The following PDE4C variants were observed in gnomAD, a reference collection of about 807,000 sequenced individuals.
PDE4C encodes the protein phosphodiesterase 4C.
In PDE4C, 50 loss-of-function variants were observed where a neutral mutation model predicts 63.9. That is an observed-to-expected ratio of 0.78 (90% CI 0.62 to 0.99). The LOEUF is 0.99. Among genes scored for constraint, PDE4C ranks in the 50% least tolerant of loss-of-function variants. The probability of loss-of-function intolerance (pLI) is 0.00; values close to 1 mark genes in which losing one functional copy is unlikely to be tolerated. For missense variants in PDE4C, 777 were observed against 899.1 expected, an observed-to-expected ratio of 0.86 and a Z score of 1.74; for synonymous variants, 377 against 385.1, an observed-to-expected ratio of 0.98 and a Z score of 0.25.
At chr19:18,214,948 CAAAAAAAA>C (rs34534126) in intron 12 of PDE4C, among the ~76,000 whole-genome samples, 6 of 102,350 alleles carry the variant, frequency 5.9e-5, no homozygotes, top group Non-Finnish European at 9.6e-5. Flanking sequence ...GACTCCATTT[CAAAAAAAA>C]AAAAAAAAAA....
chr19:18,210,713 A>C (rs1967883247), exon 15 of PDE4C: 2 of 625,410 alleles, frequency 3.2e-6, no homozygotes, highest in African/African-American at 1.8e-5. Context: ...TGCCCCTTAG[A>C]GAGCTCTTTT....
At chr19:18,225,051 A>C (rs1201834299) in intron 1 of PDE4C, among the ~76,000 whole-genome samples, 1 of 152,196 alleles carries the variant, frequency 6.6e-6, no homozygotes, top group Non-Finnish European at 1.5e-5. Flanking sequence ...CGGAGGGTTA[A>C]GGACTGGGCC....
rs1418367858 is a variant in PDE4C at position 18,220,874 on chromosome 19, CT to C, written c.498del (p.Glu167ArgfsTer12). 1 of 1,608,312 alleles carries C rather than the reference CT, an allele frequency of 6.2e-7. No individual in the cohort carries two copies. Among genetic ancestry groups the C allele is most frequent in the African/African-American group, 1.3e-5 (1 of 75,038 alleles). On this transcript the variant is annotated frameshift_variant and splice_region_variant, in exon 5 of 15. Coordinates refer to ENST00000262805, the Ensembl canonical transcript of PDE4C. LOFTEE classifies it high-confidence loss of function. The surrounding 1 kb of genome is among the most constrained non-coding windows in gnomAD (Gnocchi z 5.1). The stretch of plus-strand genomic sequence containing the variant: ...GGGAGGGAAGGAACAGGTACTTTAC[CT>C]GCAGGAGGGAGCTGATTGCTGGATG...
At chr19:18,232,912 C>A in intron 1 of PDE4C, 2 of 1,423,746 alleles carry the variant, frequency 1.4e-6, no homozygotes, top group East Asian at 2.7e-5. Context: ...GCGCGCCCCT[C>A]CCCCGCGCTG....
chr19:18,233,263 G>C, exon 1 of PDE4C: 1 of 1,536,956 alleles, frequency 6.5e-7, no homozygotes, highest in East Asian at 2.4e-5. Context: ...AGGAGCGTCT[G>C]CTCCCGGGTC....
At chr19:18,232,880 T>TC (rs1968878378) in intron 1 of PDE4C, 1 of 1,232,860 alleles carries the variant, frequency 8.1e-7, no homozygotes, top group African/African-American at 1.7e-5. Flanking sequence ...GCAAGGACCC[T>TC]CCCCCACTCC....
intron 1 of PDE4C, chr19:18,224,286 C>G: frequency 1.0e-6 from 1 of 985,520 alleles, no homozygotes; most frequent in Non-Finnish European, 1.2e-6. Flanking sequence ...GACAGGAAGA[C>G]AACCGGGACC....
chr19:18,250,258 C>T (rs2287656), upstream of PDE4C: 94,584 of 398,876 alleles, frequency 0.24, 12,224 homozygotes, highest in East Asian at 0.29. Flanking sequence ...GATAGCAGCT[C>T]CCCCAACCAT....
At chr19:18,218,969 G>A (rs1250775964) in exon 9 of PDE4C, 3 of 1,613,572 alleles carry the variant, frequency 1.9e-6, no homozygotes, top group Non-Finnish European at 2.5e-6. Flanking sequence ...ATAGCTGTGA[G>A]GGGCCGGTTC....
At chr19:18,218,039 G>A in intron 11 of PDE4C, 110 bp downstream of exon 11, 1 of 803,278 alleles carries the variant, frequency 1.2e-6, no homozygotes, top group Non-Finnish European at 2.1e-6. Context: ...TCATTTCATA[G>A]ACAGGGAGAC....
the PDE4C span, among the ~76,000 whole-genome samples, chr19:18,253,545 C>T: frequency 6.0e-4 from 34 of 56,770 alleles, no homozygotes; most frequent in Middle Eastern, 6.8e-3. Flanking sequence ...AGTGAGACTC[C>T]GTCTCAAAAA....
At chr19:18,234,717 T>G (rs1056460356), upstream of PDE4C, among the ~76,000 whole-genome samples, 1 of 152,108 alleles carries the variant, frequency 6.6e-6, no homozygotes, top group African/African-American at 2.4e-5. Flanking sequence ...AACAAGGTCT[T>G]TCCCATGGAG....
rs756197005 is a variant in PDE4C, at chr19:18,215,831, C to CTT, written c.1389+908_1389+909dup. Among the ~76,000 whole-genome samples, 74 of 127,796 alleles carry CTT rather than the reference C, an allele frequency of 5.8e-4. 1 individual carries two copies. Among genetic ancestry groups the CTT allele is most frequent in the Admixed American group, 7.4e-4 (9 of 12,102 alleles). 83.8% of individuals were successfully genotyped at this position (127,796 alleles called of 152,430 possible). A position where few individuals can be genotyped will look rare whatever the true frequency, so the allele number is the denominator to read the frequency against. On this transcript the variant is annotated intron_variant, in intron 12 of 14. Coordinates refer to ENST00000262805, the Ensembl canonical transcript of PDE4C. ...CCTGGCTGCTTAATTTTTTTCTTTT[C>CTT]TTTTTTTTTTTTTTTTGAGACAGAG...
chr19:18,207,973 C>G (rs532586708), downstream of PDE4C: 5 of 152,276 alleles, frequency 3.3e-5, no homozygotes, highest in South Asian at 2.1e-4. Context: ...GGTGGAGATA[C>G]AGCAGAATTT....
intron 1 of PDE4C, among the ~76,000 whole-genome samples, chr19:18,239,127 G>A (rs1348552088): frequency 6.6e-6 from 1 of 152,152 alleles, no homozygotes; most frequent in Admixed American, 6.6e-5. Flanking sequence ...ATGGGCTCAT[G>A]AAGGTATAAT....
chr19:18,237,706 A>G (rs575856258), upstream of PDE4C, among the ~76,000 whole-genome samples: 1 of 151,800 alleles, frequency 6.6e-6, no homozygotes, highest in Admixed American at 6.6e-5. Context: ...CCCTGTCTCG[A>G]CTAAAAATAC....
At chr19:18,234,162 C>T (rs1195937854), upstream of PDE4C, 3 of 152,414 alleles carry the variant, frequency 2.0e-5, no homozygotes, top group Non-Finnish European at 4.4e-5. Context: ...CTAAGACCCT[C>T]CCCACCCCAA....
downstream of PDE4C, chr19:18,208,749 C>T (rs1967800895): frequency 6.6e-6 from 1 of 152,176 alleles, no homozygotes; most frequent in Non-Finnish European, 1.5e-5. Flanking sequence ...CCCCCCACAC[C>T]TCGTCGGAGT....
chr19:18,244,223 AG>A (rs1969090963), intron 1 of PDE4C, among the ~76,000 whole-genome samples: 1 of 151,570 alleles, frequency 6.6e-6, no homozygotes, highest in Non-Finnish European at 1.5e-5. Context: ...ATGGGGATGG[AG>A]GGCCTGATGG....
Sources: allele counts gnomAD v4.1 joint callset (sites outside exome capture counted in the v4.1 genomes callset), GRCh38; gene constraint gnomAD v4.1.1; non-coding constraint Gnocchi (gnomAD v3.1); transcripts MANE v1.5; gene names NCBI Gene and HGNC (gene_info 2026-07-23, HGNC 2026-07-21).